WWOX: variants seen among roughly 807,000 people sequenced by gnomAD.
WWOX encodes WW domain-containing oxidoreductase.
WWOX carries 69 observed loss-of-function variants against 46.2 expected under a neutral mutation model. The ratio of observed to expected loss-of-function variants is 1.49; its 90% CI spans 1.23 to 1.82. The LOEUF (loss-of-function observed/expected upper bound fraction) is 1.82, where lower values mean the gene tolerates loss of function less well. WWOX is among the 40% of genes most tolerant of loss of function. WWOX has a pLI of 0.00. For synonymous variants in WWOX, 359 were observed against 202.6 expected, an observed-to-expected ratio of 1.77 and a Z score of -6.56; for missense variants, 919 against 542.6, an observed-to-expected ratio of 1.69 and a Z score of -6.89.
At chr16:78,509,368 G>A (rs1478779617) in intron 8 of WWOX, among the ~76,000 whole-genome samples, 1 of 152,036 alleles carries the variant, frequency 6.6e-6, no homozygotes, top group Non-Finnish European at 1.5e-5. Flanking sequence ...GAACCCGGGA[G>A]GCGGAGGCTG....
intron 8 of WWOX, among the ~76,000 whole-genome samples, chr16:78,618,452 C>A (rs887854299): frequency 2.0e-5 from 3 of 152,096 alleles, no homozygotes. Context: ...CATGGTCTTC[C>A]CTCTGTGTGC....
intron 5 of WWOX, among the ~76,000 whole-genome samples, chr16:78,383,792 G>C (rs182008474): frequency 1.3e-5 from 2 of 152,312 alleles, no homozygotes; most frequent in East Asian, 3.9e-4. Flanking sequence ...CCTAGGGCAA[G>C]AGAATTGCCT....
Position 78,348,445 on chromosome 16 carries a change from A to G in WWOX, c.517-38415A>G, listed in dbSNP as rs1306003237. Among the ~76,000 whole-genome samples, 3 of 121,018 alleles carry G rather than the reference A, an allele frequency of 2.5e-5. 1 individual carries two copies. Among genetic ancestry groups the G allele is most frequent in the Admixed American group, 1.6e-4 (2 of 12,536 alleles). The allele number at this position is 121,018 out of a possible 152,430, so 79.4% of individuals were successfully genotyped here. ...CATAGAGCCAAAGAGCTCGATACATATACTGATGCGGTGTTTATTTTATTT... is the reference window on the plus strand; with the variant it reads ...CATAGAGCCAAAGAGCTCGATACATGTACTGATGCGGTGTTTATTTTATTT... On this transcript the variant is annotated intron_variant, in intron 5 of 8. Transcript: ENST00000566780.
At position 78,120,210 on chromosome 16, in the gene WWOX, G is replaced by A. The variant is rs142538649; in HGVS notation, c.409+5056G>A. On this transcript the variant is annotated intron_variant, in intron 4 of 8. Coordinates refer to ENST00000566780, the MANE Select transcript of WWOX (RefSeq NM_016373.4). ...CATATCAAAATGTATATATTTTGAG[G>A]TATAAAAAGTACGTGCTCAAGGTAT... Among the ~76,000 whole-genome samples the A allele has an allele frequency of 3.6e-3, 542 of 152,202 alleles. 3 individuals are homozygous for A. The highest frequency in any genetic ancestry group is 6.8e-3 in the Middle Eastern group (2 of 294).
intron 8 of WWOX, chr16:79,017,297 G>C (rs190019478): frequency 6.6e-6 from 1 of 151,756 alleles, no homozygotes; most frequent in Non-Finnish European, 1.5e-5. Flanking sequence ...AGGCATGGTG[G>C]TGGGCACCTG....
intron 8 of WWOX, among the ~76,000 whole-genome samples, chr16:78,643,575 C>G (rs904236403): frequency 1.3e-5 from 2 of 152,142 alleles, no homozygotes; most frequent in Non-Finnish European, 2.9e-5. Flanking sequence ...TTCCAGCCCC[C>G]TGTAGGAGAG....
rs556564101 is a variant in WWOX at position 78,178,763 on chromosome 16, C to T, written c.516+14474C>T. ...GCTATAATCCCAGCTGCTCAGGAAG[C>T]TGAGGCAGGAGAATCCCTTGAACCT... On this transcript the variant is annotated intron_variant, in intron 5 of 8. Coordinates refer to ENST00000566780, the MANE Select transcript of WWOX (RefSeq NM_016373.4). Among the ~76,000 whole-genome samples the T allele has an allele frequency of 9.2e-5, 14 of 151,748 alleles. No individual in the cohort carries two copies. The South Asian group carries it at 1.0e-3, about 11-fold the overall frequency.
chr16:78,143,750 A>ATTT (rs1183025860), intron 4 of WWOX, among the ~76,000 whole-genome samples: 17 of 92,232 alleles, frequency 1.8e-4, no homozygotes, highest in African/African-American at 3.8e-4. Context: ...AAGAATTGGT[A>ATTT]TGTTTTTTTT....
intron 5 of WWOX, among the ~76,000 whole-genome samples, chr16:78,204,490 A>G (rs1308391498): frequency 6.9e-6 from 1 of 145,426 alleles, no homozygotes; most frequent in African/African-American, 2.6e-5. Flanking sequence ...GTGTTGTCAA[A>G]TAGTAGGTCT....
chr16:78,607,100 T>A (rs1233591338), intron 8 of WWOX, among the ~76,000 whole-genome samples: 1 of 152,122 alleles, frequency 6.6e-6, no homozygotes, highest in Non-Finnish European at 1.5e-5. Context: ...AGAAATGGAA[T>A]GATTCAGATT....
intron 5 of WWOX, among the ~76,000 whole-genome samples, chr16:78,323,453 T>C (rs1419817421): frequency 2.0e-5 from 3 of 151,958 alleles, no homozygotes; most frequent in African/African-American, 4.8e-5. Flanking sequence ...CAAGGCTCAG[T>C]TAATGATAAA....
At chr16:78,903,034 A>G (rs1289365445) in intron 8 of WWOX, among the ~76,000 whole-genome samples, 4 of 152,330 alleles carry the variant, frequency 2.6e-5, no homozygotes, top group Non-Finnish European at 5.9e-5. Context: ...GACAAAATGC[A>G]CAAACAAAGC....
At chr16:78,153,772 G>T (rs998603789) in intron 4 of WWOX, among the ~76,000 whole-genome samples, 1 of 152,174 alleles carries the variant, frequency 6.6e-6, no homozygotes, top group Admixed American at 6.5e-5. Context: ...TAATAAAAAT[G>T]ATAATTAAAA....
chr16:78,447,004 G>C (rs1315507172), intron 8 of WWOX, among the ~76,000 whole-genome samples: 1 of 152,010 alleles, frequency 6.6e-6, no homozygotes, highest in Non-Finnish European at 1.5e-5. Flanking sequence ...GCTTTTCTTT[G>C]TTATACTGGA....
intron 8 of WWOX, among the ~76,000 whole-genome samples, chr16:78,980,353 C>G (rs1301628134): frequency 6.6e-6 from 1 of 152,142 alleles, no homozygotes; most frequent in Non-Finnish European, 1.5e-5. Context: ...TAAACACTTG[C>G]ACTGCTAATT....
intron 5 of WWOX, among the ~76,000 whole-genome samples, chr16:78,325,449 A>G (rs1040830225): frequency 2.0e-5 from 3 of 152,208 alleles, no homozygotes; most frequent in Non-Finnish European, 4.4e-5. Context: ...GTGATAGTCC[A>G]TTAGTGTCTC....
chr16:78,404,482 CCCT>C (rs2082480687), intron 6 of WWOX, among the ~76,000 whole-genome samples: 1 of 152,106 alleles, frequency 6.6e-6, no homozygotes, highest in Non-Finnish European at 1.5e-5. Context: ...GCCACCCCAA[CCCT>C]CCTCATCTGC....
chr16:79,154,549 C>T (rs191875475), intron 8 of WWOX, among the ~76,000 whole-genome samples: 11 of 150,464 alleles, frequency 7.3e-5, no homozygotes, highest in Admixed American at 6.6e-4. Flanking sequence ...AGGATATAGC[C>T]ACTCTTTTCT....
At chr16:79,193,597 T>C (rs2051180015) in intron 8 of WWOX, among the ~76,000 whole-genome samples, 1 of 152,170 alleles carries the variant, frequency 6.6e-6, no homozygotes, top group African/African-American at 2.4e-5. Flanking sequence ...GTGGATAAAG[T>C]AAGCGTTTCA....
Sources: gnomAD v4.1 joint callset for allele counts (sites outside exome capture counted in the v4.1 genomes callset) on GRCh38, gnomAD v4.1.1 for gene constraint, MANE v1.5 for transcripts, NCBI Gene and HGNC (gene_info 2026-07-23, HGNC 2026-07-21) for gene names.